EZH1: variants seen among roughly 807,000 people sequenced by gnomAD.
The protein encoded by EZH1 is histone-lysine N-methyltransferase EZH1.
A neutral mutation model predicts 100.5 loss-of-function variants in EZH1; 33 were observed. That is an observed-to-expected ratio of 0.33 (90% CI 0.25 to 0.44). EZH1 has a LOEUF of 0.44. Among genes scored for constraint, EZH1 ranks in the 20% least tolerant of loss-of-function variants. EZH1 has a pLI of 1.00. For missense variants in EZH1, 475 were observed against 928.4 expected (o/e 0.51, Z 6.35); for synonymous variants, 272 against 313.8 (o/e 0.87, Z 1.41).
At chr17:42,711,321 A>G (rs967832679) in intron 12 of EZH1, among the ~76,000 whole-genome samples, 17 of 152,172 alleles carry the variant, frequency 1.1e-4, no homozygotes, top group South Asian at 2.1e-4. Flanking sequence ...TACAAATACA[A>G]AATTAGCCGG....
At chr17:42,723,373 C>CA (rs34024745) in intron 5 of EZH1, among the ~76,000 whole-genome samples, 91,549 of 142,356 alleles carry the variant, frequency 0.64, 28,948 homozygotes, top group African/African-American at 0.77. Context: ...GACTCCGTCT[C>CA]AAAAAAAAAA....
At chr17:42,742,935 T>C (rs1045602687) in intron 1 of EZH1, among the ~76,000 whole-genome samples, 4 of 152,098 alleles carry the variant, frequency 2.6e-5, no homozygotes, top group African/African-American at 7.2e-5. Flanking sequence ...CAGTGGTGCA[T>C]GTCGGCTCAC....
chr17:42,736,857 A>G (rs1163853293), intron 1 of EZH1, among the ~76,000 whole-genome samples: 1 of 152,050 alleles, frequency 6.6e-6, no homozygotes, highest in Admixed American at 6.6e-5. Context: ...CCTCATTAAT[A>G]ATAATAGTAA....
chr17:42,722,329 A>T (rs73303780), intron 6 of EZH1, among the ~76,000 whole-genome samples: 11,310 of 145,818 alleles, frequency 0.078, 1,334 homozygotes, highest in African/African-American at 0.26. Context: ...AAAAAAAAAT[A>T]AAAAAAAAAA....
intron 10 of EZH1, among the ~76,000 whole-genome samples, chr17:42,717,170 T>A (rs1182312131): frequency 1.3e-5 from 2 of 152,194 alleles, no homozygotes; most frequent in Admixed American, 1.3e-4. Flanking sequence ...AGACAAGGTA[T>A]GTTAAGGGTC....
rs1212047890 is a variant in EZH1 at position 42,718,521 on chromosome 17, C to T, written c.864G>A (p.Glu288=). 4.3e-6 allele frequency: 7 copies of T among 1,614,202 alleles called. No homozygotes were observed. The highest frequency in any genetic ancestry group is 1.7e-4 in the Middle Eastern group (1 of 6,056). The stretch of plus-strand genomic sequence containing the variant: ...GTGTGTGGAAGGAGTGCAGAGATTG[C>T]TCCCGCTGCACAGACTTGGCATTGG... ...DGPNAKSVQR[E]QSLHSFHTLF... The change falls in exon 9 of 21, where the codon GAG becomes GAA. Residue 288 remains glutamate, a synonymous_variant. Transcript: ENST00000428826. The surrounding 1 kb of genome is among the most constrained non-coding windows in gnomAD (Gnocchi z 4.2).
intron 11 of EZH1, among the ~76,000 whole-genome samples, 158 bp downstream of exon 11, chr17:42,713,051 A>AAG (rs1345781348): frequency 5.9e-5 from 9 of 151,508 alleles, no homozygotes; most frequent in South Asian, 2.1e-4. Flanking sequence ...AAAAAAAAAA[A>AAG]AAAAAAAGAA....
chr17:42,720,067 GC>G (rs1170780316), intron 7 of EZH1, among the ~76,000 whole-genome samples: 3 of 152,068 alleles, frequency 2.0e-5, no homozygotes, highest in Non-Finnish European at 2.9e-5. Context: ...GAAATGAATA[GC>G]AATGATTATT....
At chr17:42,744,985 C>T (rs983090210) in intron 1 of EZH1, 26 bp downstream of exon 1, 1 of 1,262,474 alleles carries the variant, frequency 7.9e-7, no homozygotes, top group Non-Finnish European at 1.0e-6. Flanking sequence ...CCCCACCGCC[C>T]GGCCCAGGCT....
intron 1 of EZH1, among the ~76,000 whole-genome samples, chr17:42,737,126 C>T (rs1022202065): frequency 1.3e-5 from 2 of 152,010 alleles, no homozygotes; most frequent in African/African-American, 4.8e-5. Flanking sequence ...GCTGGGATTA[C>T]AGGCACATGC....
chr17:42,729,558 G>A (rs1476660115), intron 2 of EZH1, among the ~76,000 whole-genome samples: 4 of 143,466 alleles, frequency 2.8e-5, no homozygotes, highest in South Asian at 4.5e-4. Flanking sequence ...GTGAAACCCC[G>A]TCTCTACTAA....
intron 2 of EZH1, 40 bp downstream of exon 2, chr17:42,730,788 G>A (rs1225400479): frequency 1.4e-5 from 13 of 941,890 alleles, no homozygotes; most frequent in African/African-American, 1.2e-4. Flanking sequence ...GAGCCACCGC[G>A]CCCGGCCAAG....
chr17:42,730,202 T>G (rs563498922), intron 2 of EZH1, among the ~76,000 whole-genome samples: 3 of 152,180 alleles, frequency 2.0e-5, no homozygotes, highest in Non-Finnish European at 4.4e-5. Flanking sequence ...ACTAGGAACT[T>G]GGATTACTTC....
Position 42,718,152 on chromosome 17 carries a change from T to C in EZH1, c.932-85A>G. 8.1e-7 allele frequency: 1 copy of C among 1,228,960 alleles called. No homozygotes were observed. Among genetic ancestry groups the C allele is most frequent in the Non-Finnish European group, 1.2e-6 (1 of 848,478 alleles). 76.1% of individuals were successfully genotyped at this position (1,228,960 alleles called of 1,614,324 possible). ...ACAAAAGTGAATTAGAGAGCTATTG[T>C]AGGAGTTAGAATTCGATATAAACGG... On this transcript the variant is annotated intron_variant, in intron 9 of 20. Coordinates refer to ENST00000428826, the MANE Select transcript of EZH1 (RefSeq NM_001991.5). This position sits in a 1 kb window ranked among gnomAD's most constrained non-coding sequence, Gnocchi z 4.2.
Position 42,706,176 on chromosome 17 carries a change from C to T in EZH1, c.1670G>A (p.Arg557His), listed in dbSNP as rs905112048. The stretch of plus-strand genomic sequence containing the variant: ...GGTCTTACAGCGACAGCCAGGGAAA[C>T]GATTCTGACCTGGGAAGGGAAGACA... ...FCQCNPDCQN[R>H]FPGCRCKTQC... Residue 557 changes from arginine (R) to histidine (H), a missense_variant, in exon 16 of 21, where the codon CGT becomes CAT. This residue lies in a region of EZH1 where 17 missense variants were observed against 75.8 expected (regional missense o/e 0.22). Transcript: ENST00000428826. This position sits in a 1 kb window ranked among gnomAD's most constrained non-coding sequence, Gnocchi z 4.4. 3 of 1,607,536 alleles carry T rather than the reference C, an allele frequency of 1.9e-6. No individual in the cohort carries two copies. The highest frequency in any genetic ancestry group is 1.7e-6 in the Non-Finnish European group (2 of 1,176,088).
Position 42,728,919 on chromosome 17 carries a change from G to T in EZH1, c.23C>A (p.Thr8Asn). Residue 8 changes from threonine to asparagine, a missense_variant, in exon 3 of 21, where the codon ACC becomes AAC. Physicochemically the swap from Thr to Asn is moderately conservative, Grantham distance 65. Around this residue, in one of 8 missense-constraint regions of EZH1, gnomAD observed 105 missense variants for 129.8 expected, o/e 0.81. Coordinates refer to ENST00000428826, the MANE Select transcript of EZH1 (RefSeq NM_001991.5). ...TTTCCAGTAAGTGATACATTTGGAGGTAGGGGGATTTGGTATTTCCATCTT... is the reference window on the plus strand; with the variant it reads ...TTTCCAGTAAGTGATACATTTGGAGTTAGGGGGATTTGGTATTTCCATCTT... MEIPNPP[T>N]SKCITYWKRK... The T allele has an allele frequency of 1.2e-6, 2 of 1,613,004 alleles. No homozygotes were observed. Among genetic ancestry groups the T allele is most frequent in the Non-Finnish European group, 1.7e-6 (2 of 1,179,578 alleles).
intron 1 of EZH1, among the ~76,000 whole-genome samples, chr17:42,743,743 A>G (rs1452937520): frequency 6.6e-6 from 1 of 151,894 alleles, no homozygotes; most frequent in East Asian, 1.9e-4. Flanking sequence ...GGGATTTCAG[A>G]TATGAGCCAC....
chr17:42,704,075 C>T (rs541607729), intron 18 of EZH1, among the ~76,000 whole-genome samples: 4 of 152,278 alleles, frequency 2.6e-5, no homozygotes, highest in Non-Finnish European at 4.4e-5. Flanking sequence ...CAGGTAAAGA[C>T]GCTCAGCACT....
At chr17:42,744,969 G>T in intron 1 of EZH1, 42 bp downstream of exon 1, 1 of 1,256,256 alleles carries the variant, frequency 8.0e-7, no homozygotes, top group Non-Finnish European at 1.0e-6. Flanking sequence ...AGGGGAGGAG[G>T]CCCGGCCCCA....
Sources: gnomAD v4.1 joint callset for allele counts (sites outside exome capture counted in the v4.1 genomes callset) on GRCh38, gnomAD v4.1.1 for gene constraint, gnomAD v4.1.1 regional missense constraint, Gnocchi (gnomAD v3.1) non-coding constraint, MANE v1.5 for transcripts, NCBI Gene and HGNC (gene_info 2026-07-23, HGNC 2026-07-21) for gene names.